Variants in FSD1L observed in about 807,000 individuals in gnomAD.
FSD1L encodes FSD1-like protein.
A neutral mutation model predicts 71.6 loss-of-function variants in FSD1L; 45 were observed. The observed-to-expected ratio is 0.63, with a 90% CI of 0.49 to 0.81. FSD1L has a LOEUF of 0.81. Among genes scored for constraint, FSD1L ranks in the 30% least tolerant of loss-of-function variants. The pLI is 0.00. For missense variants in FSD1L, 561 were observed against 618.1 expected (o/e 0.91, Z 0.98); for synonymous variants, 197 against 207.2 (o/e 0.95, Z 0.42).
Position 105,539,333 on chromosome 9 carries a change from A to G in FSD1L, c.1449A>G (p.Pro483=), listed in dbSNP as rs1195479522. The G allele has an allele frequency of 1.4e-6, 2 of 1,475,088 alleles. No homozygotes were observed. The highest frequency in any genetic ancestry group is 1.8e-6 in the Non-Finnish European group (2 of 1,091,712). 91.4% of individuals were successfully genotyped at this position (1,475,088 alleles called of 1,614,324 possible). A position where few individuals can be genotyped will look rare whatever the true frequency, so the allele number is the denominator to read the frequency against. ...CCTTTAAGACAAAATTTACTCAGCC[A>G]GTACTACCTGGTTTCATGGTTAGTA... ...LYSFKTKFTQ[P]VLPGFMVWCG... The change falls in exon 13 of 14, where the codon CCA becomes CCG. Residue 483 remains proline (P), a synonymous_variant. Transcript: ENST00000481272.
At chr9:105,442,372 T>G in the FSD1L span, among the ~76,000 whole-genome samples, 1 of 152,058 alleles carries the variant, frequency 6.6e-6, no homozygotes, top group Non-Finnish European at 1.5e-5. Context: ...ACCTCACAGT[T>G]CAGGAAGATG....
At chr9:105,464,545 G>A (rs1041951218) in intron 3 of FSD1L, among the ~76,000 whole-genome samples, 6 of 152,176 alleles carry the variant, frequency 3.9e-5, no homozygotes, top group Non-Finnish European at 5.9e-5. Flanking sequence ...TGGAATAGTA[G>A]TTGTTAGAAA....
chr9:105,519,061 G>A (rs550115396), intron 10 of FSD1L, among the ~76,000 whole-genome samples: 1 of 152,026 alleles, frequency 6.6e-6, no homozygotes, highest in Admixed American at 6.5e-5. Flanking sequence ...AATCTAGAAT[G>A]GATCAATTCC....
At chr9:105,447,504 G>C (rs1381438703), upstream of FSD1L, among the ~76,000 whole-genome samples, 1 of 152,000 alleles carries the variant, frequency 6.6e-6, no homozygotes. Context: ...GCGAGGTGCC[G>C]GGGAGGATGG....
chr9:105,470,001 A>G (rs953494640), intron 4 of FSD1L, among the ~76,000 whole-genome samples: 2 of 152,068 alleles, frequency 1.3e-5, no homozygotes, highest in Admixed American at 6.6e-5. Context: ...TCCTAGCACC[A>G]TTTATTGAAG....
At chr9:105,469,488 T>C (rs1010064851) in intron 4 of FSD1L, among the ~76,000 whole-genome samples, 1 of 152,158 alleles carries the variant, frequency 6.6e-6, no homozygotes, top group African/African-American at 2.4e-5. Flanking sequence ...GATATTTCAT[T>C]ACAGTTTTGA....
intron 7 of FSD1L, among the ~76,000 whole-genome samples, chr9:105,484,810 C>G (rs1832428950): frequency 6.6e-6 from 1 of 152,042 alleles, no homozygotes; most frequent in Non-Finnish European, 1.5e-5. Flanking sequence ...CTATTGCTTA[C>G]TTGCTATGTA....
chr9:105,486,421 C>T (rs1832551866), intron 7 of FSD1L, among the ~76,000 whole-genome samples: 1 of 152,132 alleles, frequency 6.6e-6, no homozygotes, highest in Non-Finnish European at 1.5e-5. Context: ...TGAGGTGGCA[C>T]AGGTTACCAG....
rs373060108 is a variant in FSD1L at position 105,546,330 on chromosome 9, T to G, written c.1468-28T>G. The G allele has an allele frequency of 5.3e-6, 8 of 1,500,120 alleles. No homozygotes were observed. The South Asian group carries it at 6.6e-5, about 12-fold the overall frequency. 92.9% of individuals were successfully genotyped at this position (1,500,120 alleles called of 1,614,324 possible). ...ACTGAAATTCTAGTTTGATTTGCAA[T>G]CTGACAGGTTTTTTTGTCTTTTCTT... On this transcript the variant is annotated intron_variant, in intron 13 of 13. Transcript: ENST00000481272.
intron 7 of FSD1L, among the ~76,000 whole-genome samples, chr9:105,499,706 G>C (rs948403081): frequency 8.6e-5 from 13 of 151,216 alleles, no homozygotes; most frequent in African/African-American, 2.9e-4. Context: ...GAGCATCCTA[G>C]ATCTGTAGTT....
At chr9:105,526,203 T>C in intron 10 of FSD1L, 1 of 1,596,134 alleles carries the variant, frequency 6.3e-7, no homozygotes, top group Non-Finnish European at 8.6e-7. Context: ...CTCTGAAATC[T>C]CTGATTCCAT....
At chr9:105,522,193 C>G in intron 10 of FSD1L, 1 of 1,613,750 alleles carries the variant, frequency 6.2e-7, no homozygotes, top group Non-Finnish European at 8.5e-7. Flanking sequence ...GACTTACTGT[C>G]AGTATTGTCA....
intron 13 of FSD1L, among the ~76,000 whole-genome samples, chr9:105,542,720 T>C (rs1229628876): frequency 6.6e-6 from 1 of 152,220 alleles, no homozygotes; most frequent in Non-Finnish European, 1.5e-5. Flanking sequence ...CCCCCCAAAA[T>C]CCTGGGATTA....
chr9:105,519,826 G>A (rs745437565), intron 10 of FSD1L, among the ~76,000 whole-genome samples: 12 of 152,248 alleles, frequency 7.9e-5, no homozygotes, highest in African/African-American at 2.4e-4. Context: ...GCGAGCGGCG[G>A]CCGCTGGAGA....
chr9:105,506,335 A>G (rs1054057499), intron 7 of FSD1L, 64 bp from the exon 8 acceptor site: 14 of 1,186,594 alleles, frequency 1.2e-5, no homozygotes, highest in Middle Eastern at 1.9e-4. Flanking sequence ...TGTGATATCA[A>G]TATTTGATTA....
intron 6 of FSD1L, among the ~76,000 whole-genome samples, chr9:105,483,183 ACTTT>A (rs1399877368): frequency 5.9e-5 from 9 of 152,204 alleles, no homozygotes; most frequent in African/African-American, 2.2e-4. Context: ...TCAGTATAGC[ACTTT>A]CTTCTTGATA....
chr9:105,464,272 A>G lies in FSD1L; in HGVS notation c.148A>G (p.Lys50Glu), dbSNP rs1588935511. Residue 50 changes from lysine (K) to glutamate (E), a missense_variant, in exon 3 of 14, where the codon AAA becomes GAA. By Grantham distance (56) the Lys-to-Glu change is moderately conservative (BLOSUM62 1). Around this residue, in one of 3 missense-constraint regions of FSD1L, gnomAD observed 410 missense variants for 413.5 expected, o/e 0.99. Coordinates refer to ENST00000481272, the MANE Select transcript of FSD1L (RefSeq NM_001145313.3). Reference sequence around the variant, plus strand: ...GAGGATCATTTCAACTCTGGCAAATAAAAATGATGAAATTCAGAACTTTAT... The same window carrying G: ...GAGGATCATTTCAACTCTGGCAAATGAAAATGATGAAATTCAGAACTTTAT... The part of the protein sequence containing the change: ...LQRIISTLAN[K>E]NDEIQNFIDT... The G allele has an allele frequency of 6.5e-7, 1 of 1,528,268 alleles. No homozygotes were observed. The highest frequency in any genetic ancestry group is 8.9e-7 in the Non-Finnish European group (1 of 1,128,892). 94.7% of individuals were successfully genotyped at this position (1,528,268 alleles called of 1,614,324 possible). A position where few individuals can be genotyped will look rare whatever the true frequency, so the allele number is the denominator to read the frequency against.
intron 4 of FSD1L, among the ~76,000 whole-genome samples, chr9:105,471,023 C>G (rs1831419840): frequency 6.6e-6 from 1 of 152,116 alleles, no homozygotes; most frequent in Non-Finnish European, 1.5e-5. Context: ...CTTCCCTTTT[C>G]CCTCCCTGTA....
intron 1 of FSD1L, 50 bp downstream of exon 1, chr9:105,448,285 C>T (rs1232709943): frequency 1.3e-6 from 2 of 1,491,090 alleles, no homozygotes; most frequent in Non-Finnish European, 1.8e-6. Context: ...CGGGCCGGCA[C>T]AGGGTGGGCG....
Sources: gnomAD v4.1 joint callset for allele counts (sites outside exome capture counted in the v4.1 genomes callset) on GRCh38, gnomAD v4.1.1 for gene constraint, gnomAD v4.1.1 regional missense constraint, MANE v1.5 for transcripts, NCBI Gene and HGNC (gene_info 2026-07-23, HGNC 2026-07-21) for gene names.